Variants in SMC6 observed in about 807,000 individuals in gnomAD.
The protein encoded by SMC6 is structural maintenance of chromosomes protein 6.
Under a neutral mutation model 142.2 loss-of-function variants are expected in SMC6, and 79 were observed. The observed-to-expected ratio is 0.56, with a 90% CI of 0.46 to 0.67. SMC6 has a LOEUF of 0.67. Among genes scored for constraint, SMC6 ranks in the 30% least tolerant of loss-of-function variants. The pLI is 0.00. For missense variants in SMC6, 1,072 were observed against 1,284.0 expected (o/e 0.83, Z 2.52); for synonymous variants, 411 against 412.4 (o/e 1.00, Z 0.04).
chr2:17,728,248 C>A (rs1276548566), intron 7 of SMC6, among the ~76,000 whole-genome samples: 1 of 152,216 alleles, frequency 6.6e-6, no homozygotes, highest in South Asian at 2.1e-4. Flanking sequence ...CCAGCCTAGG[C>A]AACATGGTGA....
intron 8 of SMC6, 104 bp from the exon 9 acceptor site, chr2:17,725,462 T>A: frequency 1.5e-6 from 1 of 680,238 alleles, no homozygotes; most frequent in Non-Finnish European, 2.4e-6. Context: ...TTTAGATCAA[T>A]GATGTAAAAA....
chr2:17,738,483 TAA>T (rs546371550), intron 4 of SMC6, among the ~76,000 whole-genome samples, 157 bp from the exon 5 acceptor site: 1 of 151,150 alleles, frequency 6.6e-6, no homozygotes, highest in Non-Finnish European at 1.5e-5. Flanking sequence ...AGCAACAACT[TAA>T]AAAAAAAGTT....
intron 5 of SMC6, among the ~76,000 whole-genome samples, chr2:17,734,503 AT>A (rs1670051635): frequency 6.6e-6 from 1 of 151,578 alleles, no homozygotes; most frequent in South Asian, 2.1e-4. Context: ...TAGCTAATGA[AT>A]ATTTTATTTC....
Position 17,714,847 on chromosome 2 carries a change from T to A in SMC6, c.1730+14A>T. 3 of 1,608,038 alleles carry A rather than the reference T, an allele frequency of 1.9e-6. No homozygotes were observed. Among genetic ancestry groups the A allele is most frequent in the Non-Finnish European group, 2.5e-6 (3 of 1,178,304 alleles). On this transcript the variant is annotated intron_variant, in intron 16 of 27. Transcript: ENST00000448223. ...AAGCAAAGCCAGAAACATATTCAAT[T>A]ACTAATGCCTTACCTGTGTCTTACA... is the stretch of plus-strand genomic sequence containing the variant.
intron 25 of SMC6, among the ~76,000 whole-genome samples, chr2:17,674,586 TACTG>T (rs1666919277): frequency 6.6e-6 from 1 of 152,192 alleles, no homozygotes; most frequent in South Asian, 2.1e-4. Context: ...TATATTGCCT[TACTG>T]ACTTTTAATC....
At chr2:17,740,447 C>T (rs952487423) in intron 4 of SMC6, among the ~76,000 whole-genome samples, 1 of 152,198 alleles carries the variant, frequency 6.6e-6, no homozygotes, top group Non-Finnish European at 1.5e-5. Context: ...GCAGGCCTAC[C>T]ACAGAACTGC....
intron 17 of SMC6, 23 bp from the exon 18 acceptor site, chr2:17,707,402 AT>A: frequency 1.4e-6 from 2 of 1,406,288 alleles, no homozygotes; most frequent in South Asian, 1.8e-5. Flanking sequence ...AAGAAAATAA[AT>A]TTTTTAAGAC....
intron 5 of SMC6, among the ~76,000 whole-genome samples, chr2:17,737,351 TA>T (rs1439001753): frequency 6.6e-6 from 1 of 152,206 alleles, no homozygotes; most frequent in Non-Finnish European, 1.5e-5. Context: ...TAGTGTTAAT[TA>T]TGAAAGTTTC....
At chr2:17,741,791 G>T in intron 3 of SMC6, 62 bp from the exon 4 acceptor site, 1 of 1,075,170 alleles carries the variant, frequency 9.3e-7, no homozygotes, top group Non-Finnish European at 1.4e-6. Context: ...AACCATTCAA[G>T]CATTGTTGGC....
intron 18 of SMC6, among the ~76,000 whole-genome samples, chr2:17,706,220 A>G (rs1325063941): frequency 6.6e-6 from 1 of 152,174 alleles, no homozygotes; most frequent in African/African-American, 2.4e-5. Flanking sequence ...TCAAAAATTC[A>G]CAGGTAATTT....
At chr2:17,673,391 ATCTTT>A (rs1666854686) in intron 25 of SMC6, among the ~76,000 whole-genome samples, 2 of 151,890 alleles carry the variant, frequency 1.3e-5, no homozygotes, top group African/African-American at 4.8e-5. Flanking sequence ...CAAATTATCA[ATCTTT>A]TCTTTTGAGT....
At chr2:17,694,804 T>C (rs541956846) in intron 23 of SMC6, among the ~76,000 whole-genome samples, 2 of 152,276 alleles carry the variant, frequency 1.3e-5, no homozygotes, top group Admixed American at 6.5e-5. Context: ...AGAATATTAG[T>C]GTTATTTTCA....
intron 13 of SMC6, 78 bp from the exon 14 acceptor site, chr2:17,716,983 T>C: frequency 1.3e-6 from 2 of 1,523,748 alleles, no homozygotes; most frequent in African/African-American, 2.8e-5. Flanking sequence ...ACCGATGTAA[T>C]AAAATTCCAT....
intron 15 of SMC6, among the ~76,000 whole-genome samples, chr2:17,715,796 G>T (rs568233753): frequency 9.2e-5 from 14 of 151,960 alleles, no homozygotes; most frequent in African/African-American, 2.7e-4. Flanking sequence ...GATGTTACTG[G>T]TTTTTTCTGA....
chr2:17,695,043 G>T, intron 23 of SMC6, 109 bp downstream of exon 23: 2 of 1,191,722 alleles, frequency 1.7e-6, no homozygotes, highest in Non-Finnish European at 2.4e-6. Context: ...ATAACTATTT[G>T]CTATAGTAAC....
chr2:17,734,290 T>C (rs1032008227), intron 5 of SMC6, among the ~76,000 whole-genome samples: 2 of 152,228 alleles, frequency 1.3e-5, no homozygotes, highest in African/African-American at 4.8e-5. Context: ...TGCATCTTTA[T>C]GGTAAATATC....
At chr2:17,719,260 ATAT>A (rs1669254134) in intron 11 of SMC6, among the ~76,000 whole-genome samples, 1 of 152,162 alleles carries the variant, frequency 6.6e-6, no homozygotes, top group Admixed American at 6.6e-5. Context: ...AACATAATTC[ATAT>A]TATTTTTCAG....
chr2:17,707,516 A>G (rs752427801), intron 17 of SMC6, 137 bp from the exon 18 acceptor site: 41 of 490,506 alleles, frequency 8.4e-5, no homozygotes, highest in Non-Finnish European at 1.3e-4. Flanking sequence ...ATAATTTCAT[A>G]AAGTTAAATA....
chr2:17,725,900 C>A (rs1669591706), intron 8 of SMC6, among the ~76,000 whole-genome samples: 1 of 151,774 alleles, frequency 6.6e-6, no homozygotes, highest in African/African-American at 2.4e-5. Context: ...CCAGCCTGGC[C>A]AAACTGGTGA....
Sources: allele counts gnomAD v4.1 joint callset (sites outside exome capture counted in the v4.1 genomes callset), GRCh38; gene constraint gnomAD v4.1.1; transcripts MANE v1.5; gene names NCBI Gene and HGNC (gene_info 2026-07-23, HGNC 2026-07-21).